The following SMPD3 variants were observed in gnomAD, a reference collection of about 807,000 sequenced individuals.
The protein encoded by SMPD3 is nSMase-2.
SMPD3 carries 21 observed loss-of-function variants against 55.7 expected under a neutral mutation model. That is an observed-to-expected ratio of 0.38 (90% confidence interval 0.27 to 0.54). SMPD3 has a LOEUF of 0.54. Ranked by LOEUF, SMPD3 falls within the 20% of genes least tolerant of loss-of-function variation. The pLI is 0.80. For synonymous variants in SMPD3, 457 were observed against 404.3 expected (o/e 1.13, Z -1.56); for missense variants, 842 against 899.6 (o/e 0.94, Z 0.82).
chr16:68,389,038 C>A (rs573508422), intron 1 of SMPD3, among the ~76,000 whole-genome samples: 29 of 152,358 alleles, frequency 1.9e-4, no homozygotes, highest in African/African-American at 6.7e-4. Context: ...TCAGCATCAT[C>A]ATTCAAAACG....
At chr16:68,422,101 C>T (rs180952098) in intron 1 of SMPD3, among the ~76,000 whole-genome samples, 6 of 152,216 alleles carry the variant, frequency 3.9e-5, no homozygotes, top group African/African-American at 1.4e-4. Flanking sequence ...TAGGCAGGCT[C>T]TAGAAGTTAG....
intron 1 of SMPD3, among the ~76,000 whole-genome samples, chr16:68,395,485 G>A (rs1253421090): frequency 2.0e-5 from 3 of 152,194 alleles, no homozygotes; most frequent in African/African-American, 7.2e-5. Context: ...CATCTCCAGG[G>A]TTTAAAGCGT....
At position 68,365,389 on chromosome 16, in the gene SMPD3, C is replaced by G. The variant is rs568606085; in HGVS notation, c.1324-297G>C. On this transcript the variant is annotated intron_variant, in intron 3 of 8. Coordinates refer to ENST00000219334, the MANE Select transcript of SMPD3 (RefSeq NM_018667.4). ...GCAAGGCTCCCCGGAGGCCCAGGCCCTGCCATCTCCCAGTGACCAGCGTGG... is the reference window on the plus strand; with the variant it reads ...GCAAGGCTCCCCGGAGGCCCAGGCCGTGCCATCTCCCAGTGACCAGCGTGG... Among the ~76,000 whole-genome samples the G allele has an allele frequency of 3.2e-3, 490 of 152,296 alleles. 2 individuals are homozygous for G. Among genetic ancestry groups the G allele is most frequent in the Non-Finnish European group, 5.6e-3 (379 of 68,008 alleles).
At chr16:68,448,251 G>C (rs926827294) in intron 1 of SMPD3, 102 bp downstream of exon 1, 4 of 152,376 alleles carry the variant, frequency 2.6e-5, no homozygotes, top group African/African-American at 7.2e-5. Flanking sequence ...CGGGACCCGC[G>C]GTCCTGAGAG....
chr16:68,446,650 C>CAGGGATGT (rs2090612280), intron 1 of SMPD3, among the ~76,000 whole-genome samples: 1 of 152,216 alleles, frequency 6.6e-6, no homozygotes, highest in African/African-American at 2.4e-5. Flanking sequence ...CCCTCACACA[C>CAGGGATGT]TTAAACACAT....
chr16:68,403,516 T>TGTCA (rs1163439170), intron 1 of SMPD3, among the ~76,000 whole-genome samples: 15 of 152,372 alleles, frequency 9.8e-5, no homozygotes, highest in African/African-American at 3.6e-4. Flanking sequence ...TACTTCTTGA[T>TGTCA]GTCAGGAAGG....
intron 1 of SMPD3, among the ~76,000 whole-genome samples, chr16:68,396,946 C>T (rs528608653): frequency 1.3e-5 from 2 of 152,232 alleles, no homozygotes; most frequent in African/African-American, 4.8e-5. Flanking sequence ...TTTGGGGTAC[C>T]CACTGTGTGC....
In SMPD3 at chr16:68,364,828, G is replaced by C. The variant is rs1313447631; in HGVS notation, c.1478C>G (p.Ser493Cys). The C allele has an allele frequency of 1.2e-6, 2 of 1,613,784 alleles. No homozygotes were observed. Among genetic ancestry groups the C allele is most frequent in the African/African-American group, 2.7e-5 (2 of 74,918 alleles). ...LADFRKSTSS[S>C]SAANPEELVA... ...CAGCTCCTCGGGGTTGGCTGCGCTG[G>C]ACGAGGAGGTAGATTTTCGGAAATC... Residue 493 changes from serine to cysteine, a missense_variant, in exon 5 of 9, where the codon TCC becomes TGC. Transcript: ENST00000219334.
At chr16:68,433,930 T>C (rs2090500402) in intron 1 of SMPD3, among the ~76,000 whole-genome samples, 1 of 151,764 alleles carries the variant, frequency 6.6e-6, no homozygotes, top group African/African-American at 2.4e-5. Context: ...GAAGAAAAAG[T>C]GAAAAAAAGA....
intron 3 of SMPD3, 126 bp downstream of exon 3, chr16:68,370,733 T>TGCCTCCCACTCCA (rs2089637448): frequency 2.4e-6 from 3 of 1,274,890 alleles, no homozygotes; most frequent in Non-Finnish European, 3.2e-6. Context: ...AGACCGCGTC[T>TGCCTCCCACTCCA]GCCTCCCACT....
chr16:68,443,940 C>T lies in SMPD3; in HGVS notation c.-269+4413G>A, dbSNP rs532769994. Among the ~76,000 whole-genome samples the T allele has an allele frequency of 2.0e-5, 3 of 152,282 alleles. No homozygotes were observed. The South Asian group carries it at 6.2e-4, about 32-fold the overall frequency. Reference sequence around the variant, plus strand: ...GGGAAAGCCCTCAAAGCTTGGTTTCCTCACCTTGAAAGTGGGAATTATGCC... The same window carrying T: ...GGGAAAGCCCTCAAAGCTTGGTTTCTTCACCTTGAAAGTGGGAATTATGCC... On this transcript the variant is annotated intron_variant, in intron 1 of 8. Coordinates refer to ENST00000219334, the MANE Select transcript of SMPD3 (RefSeq NM_018667.4).
intron 1 of SMPD3, among the ~76,000 whole-genome samples, chr16:68,388,279 G>A (rs2090079051): frequency 6.6e-6 from 1 of 151,946 alleles, no homozygotes; most frequent in Admixed American, 6.5e-5. Flanking sequence ...CCCATAGCCT[G>A]GGGAGTCCAG....
intron 1 of SMPD3, among the ~76,000 whole-genome samples, chr16:68,402,380 A>C (rs2090217160): frequency 6.6e-6 from 1 of 152,170 alleles, no homozygotes; most frequent in South Asian, 2.1e-4. Context: ...TCTGAGGACA[A>C]GCAATAAGCC....
intron 2 of SMPD3, among the ~76,000 whole-genome samples, chr16:68,373,057 G>A (rs143522182): frequency 6.6e-6 from 1 of 152,340 alleles, no homozygotes; most frequent in East Asian, 1.9e-4. Context: ...AAACCCCCCA[G>A]CAATGAGGAT....
In SMPD3 at chr16:68,371,551, CCA is replaced by C; in HGVS notation, c.629_630del (p.Val210GlyfsTer5). The C allele has an allele frequency of 6.3e-7, 1 of 1,598,174 alleles. No homozygotes were observed. Among genetic ancestry groups the C allele is most frequent in the Non-Finnish European group, 8.5e-7 (1 of 1,176,458 alleles). ...TGCCGCCCACCGTCACCCTTGTACT[CCA>C]CAGAGGCTGTCCTCTTAATGCTCCC... is the stretch of plus-strand genomic sequence containing the variant. ...VPGSIKRTAS[V>X]EYKGDGGRHP... On this transcript the variant is annotated frameshift_variant, in exon 3 of 9. Coordinates refer to ENST00000219334, the MANE Select transcript of SMPD3 (RefSeq NM_018667.4). LOFTEE classifies it high-confidence loss of function.
At chr16:68,422,214 C>T (rs2090400179) in intron 1 of SMPD3, among the ~76,000 whole-genome samples, 1 of 152,240 alleles carries the variant, frequency 6.6e-6, no homozygotes, top group Admixed American at 6.5e-5. Flanking sequence ...ACCTCCAAAA[C>T]TGTAAGATAA....
chr16:68,376,016 C>T (rs754514425), intron 2 of SMPD3, among the ~76,000 whole-genome samples: 3 of 152,246 alleles, frequency 2.0e-5, no homozygotes, highest in Non-Finnish European at 4.4e-5. Flanking sequence ...GCCGCTGGCG[C>T]AGGAGACACA....
At chr16:68,431,627 G>A (rs750885898) in intron 1 of SMPD3, among the ~76,000 whole-genome samples, 2 of 152,142 alleles carry the variant, frequency 1.3e-5, no homozygotes, top group East Asian at 1.9e-4. Flanking sequence ...CTTTACTTAC[G>A]AAACAGGATT....
At position 68,420,027 on chromosome 16, in the gene SMPD3, G is replaced by A. The variant is rs573646810; in HGVS notation, c.-269+28326C>T. Among the ~76,000 whole-genome samples the A allele has an allele frequency of 3.7e-4, 54 of 147,112 alleles. 1 individual carries two copies. The highest frequency in any genetic ancestry group is 1.7e-3 in the Admixed American group (25 of 14,606). On this transcript the variant is annotated intron_variant, in intron 1 of 8. Transcript: ENST00000219334. ...AGAGATAGTGTCTTTCTTGTCACAT[G>A]GCCTGGAGTGCAGTGGTGTGATCTT...
Sources: gnomAD v4.1 joint callset for allele counts (sites outside exome capture counted in the v4.1 genomes callset) on GRCh38, gnomAD v4.1.1 for gene constraint, MANE v1.5 for transcripts, NCBI Gene and HGNC (gene_info 2026-07-23, HGNC 2026-07-21) for gene names.